FANCA: variants seen among roughly 807,000 people sequenced by gnomAD.
The protein encoded by FANCA is FA complementation group A, also known as Fanconi anemia group A protein.
FANCA carries 236 observed loss-of-function variants against 194.3 expected under a neutral mutation model. The observed-to-expected ratio is 1.21, with a 90% CI of 1.09 to 1.35. The LOEUF (loss-of-function observed/expected upper bound fraction) is 1.35, where lower values mean the gene tolerates loss of function less well. Among genes scored for constraint, FANCA ranks in the 40% most tolerant of loss-of-function variants. The pLI is 0.00. For synonymous variants in FANCA, 1,014 were observed against 715.8 expected, an observed-to-expected ratio of 1.42 and a Z score of -6.65; for missense variants, 2,628 against 1,813.9, an observed-to-expected ratio of 1.45 and a Z score of -8.15.
rs752600278 is a variant in FANCA, at chr16:89,791,502, C to G, written c.1260G>C (p.Glu420Asp). 5.0e-6 allele frequency: 8 copies of G among 1,614,054 alleles called. No individual in the cohort carries two copies. In the South Asian group the frequency reaches 7.7e-5, roughly 16 times the overall value. ...TGACCATGCTGTCCAGCTGGCAGCT[C>G]TCGAATGCCTGGGCCATCAAACGCG... ...WVARLMAQAF[E>D]SCQLDSMVTA... Residue 420 changes from glutamate (E) to aspartate (D), a missense_variant, in exon 14 of 43, where the codon GAG becomes GAC. Glu to Asp is a conservative substitution (Grantham distance 45, BLOSUM62 2). Transcript: ENST00000389301.
At position 89,739,577 on chromosome 16, in the gene FANCA, G is replaced by A. The variant is rs1249070808; in HGVS notation, c.3935-24C>T. The A allele has an allele frequency of 6.5e-6, 10 of 1,549,996 alleles. No homozygotes were observed. The Middle Eastern group carries it at 5.0e-4, about 77-fold the overall frequency. On this transcript the variant is annotated intron_variant, in intron 39 of 42. Transcript: ENST00000389301. ...GTCTGCAACACCAAGAAGTGGCTCA[G>A]GCAACTCTGGACATCTCTGCCTATT...
chr16:89,781,483 A>C (rs7206398), intron 17 of FANCA, among the ~76,000 whole-genome samples: 104,460 of 148,976 alleles, frequency 0.7, 37,635 homozygotes, highest in East Asian at 0.99. Flanking sequence ...ACCATCCTGG[A>C]TAACATGGTG....
At chr16:89,770,059 C>T (rs2039269508) in intron 25 of FANCA, 35 bp from the exon 26 acceptor site, 26 of 1,605,018 alleles carry the variant, frequency 1.6e-5, no homozygotes, top group Non-Finnish European at 2.0e-5. Flanking sequence ...AGCAGACTGC[C>T]CTCTTCCAAG....
intron 29 of FANCA, among the ~76,000 whole-genome samples, chr16:89,759,129 G>T (rs1425449719): frequency 6.6e-6 from 1 of 151,282 alleles, no homozygotes; most frequent in African/African-American, 2.4e-5. Flanking sequence ...GACCATCCTG[G>T]GTAACACGGT....
rs147945881 is a variant in FANCA, at chr16:89,805,393, C to G, written c.597-1G>C. 3.7e-6 allele frequency: 6 copies of G among 1,610,636 alleles called. No homozygotes were observed. Among genetic ancestry groups the G allele is most frequent in the Non-Finnish European group, 5.1e-6 (6 of 1,177,162 alleles). ...TCCCACAGCATGCATGTCGGGATGG[C>G]TGGAGACACACACAGAGGCAGACGT... On this transcript the variant is annotated splice_acceptor_variant, in intron 6 of 42. Coordinates refer to ENST00000389301, the MANE Select transcript of FANCA (RefSeq NM_000135.4). LOFTEE classifies it high-confidence loss of function.
chr16:89,742,923 C>A lies in FANCA; in HGVS notation c.3642G>T (p.Glu1214Asp). 1 of 1,614,054 alleles carries A rather than the reference C, an allele frequency of 6.2e-7. No individual in the cohort carries two copies. The highest frequency in any genetic ancestry group is 8.5e-7 in the Non-Finnish European group (1 of 1,179,978). The change falls in exon 37 of 43, where the codon GAG (glutamate) becomes GAT (aspartate). Residue 1214 changes from glutamate (E) to aspartate (D), a missense_variant. Transcript: ENST00000389301. ...RQFASDFLSPEAASPAPNPDW... is the reference protein window; with the variant it reads ...RQFASDFLSPDAASPAPNPDW... Reference sequence around the variant, plus strand: ...CCGGGTTGGGTGCTGGGGAGGCAGCCTCAGGGGAGAGGAAACTGGGACAGA... The same window carrying A: ...CCGGGTTGGGTGCTGGGGAGGCAGCATCAGGGGAGAGGAAACTGGGACAGA...
Position 89,805,412 on chromosome 16 carries a change from C to T in FANCA, c.597-20G>A. On this transcript the variant is annotated intron_variant, in intron 6 of 42. Coordinates refer to ENST00000389301, the MANE Select transcript of FANCA (RefSeq NM_000135.4). ...GGATGGCTGGAGACACACACAGAGG[C>T]AGACGTAAGGCTCAACTAAATCCCA... 1.3e-6 allele frequency: 2 copies of T among 1,583,258 alleles called. 1 individual carries two copies. The highest frequency in any genetic ancestry group is 3.3e-4 in the Middle Eastern group (2 of 5,996).
chr16:89,784,427 A>G (rs1231173197), intron 15 of FANCA, among the ~76,000 whole-genome samples: 2 of 151,258 alleles, frequency 1.3e-5, no homozygotes, highest in African/African-American at 4.8e-5. Flanking sequence ...AAATTAAAAA[A>G]AAAAAAAAAA....
chr16:89,795,985 A>C lies in FANCA; in HGVS notation c.927T>G (p.Ser309Arg), dbSNP rs780226614. Residue 309 changes from serine (S) to arginine (R), a missense_variant, in exon 11 of 43, where the codon AGT (serine) becomes AGG (arginine). Ser to Arg is a moderately radical substitution (Grantham distance 110). Coordinates refer to ENST00000389301, the MANE Select transcript of FANCA (RefSeq NM_000135.4). ...TCTTCAGAGGATCTGTGGAAATTAC[A>C]CTGCCAAGCGTGTGTCCACTGAACA... is the stretch of plus-strand genomic sequence containing the variant. ...FGVFSGHTLGSVISTDPLKRF... is the reference protein window; with the variant it reads ...FGVFSGHTLGRVISTDPLKRF... 1 of 1,614,188 alleles carries C rather than the reference A, an allele frequency of 6.2e-7. No individual in the cohort carries two copies. Among genetic ancestry groups the C allele is most frequent in the Admixed American group, 1.7e-5 (1 of 60,024 alleles).
chr16:89,783,919 G>A (rs1411600887), intron 15 of FANCA, among the ~76,000 whole-genome samples: 1 of 151,866 alleles, frequency 6.6e-6, no homozygotes, highest in East Asian at 2.0e-4. Flanking sequence ...GCGCTACCAC[G>A]CCCGGCTAAT....
intron 13 of FANCA, 35 bp from the exon 14 acceptor site, chr16:89,791,571 A>C: frequency 6.2e-7 from 1 of 1,612,914 alleles, no homozygotes. Context: ...ACAGCAAGGC[A>C]AGGGCAGCCA....
chr16:89,808,405 A>G (rs1181727450), intron 5 of FANCA, 38 bp from the exon 6 acceptor site: 6 of 1,602,248 alleles, frequency 3.7e-6, no homozygotes, highest in African/African-American at 2.7e-5. Context: ...ACAAAAACAA[A>G]AAAACCCCCA....
intron 11 of FANCA, among the ~76,000 whole-genome samples, chr16:89,795,324 A>AAATAAATAAAT (rs1487340345): frequency 6.7e-6 from 1 of 148,440 alleles, no homozygotes; most frequent in African/African-American, 2.5e-5. Flanking sequence ...ATAAATAAAT[A>AAATAAATAAAT]AAATAAAGAT....
At chr16:89,782,799 C>G in intron 17 of FANCA, 60 bp downstream of exon 17, 1 of 1,459,574 alleles carries the variant, frequency 6.9e-7, no homozygotes, top group South Asian at 1.1e-5. Context: ...TCAAAAGAAA[C>G]TGGACCTTTG....
At chr16:89,771,859 G>C (rs372828412) in intron 22 of FANCA, 45 bp from the exon 23 acceptor site, 152 of 1,611,456 alleles carry the variant, frequency 9.4e-5, no homozygotes, top group African/African-American at 2.5e-4. Context: ...ACCCCGAAAG[G>C]AGGGATACAG....
At chr16:89,811,308 G>C (rs193170298) in intron 3 of FANCA, among the ~76,000 whole-genome samples, 2 of 152,316 alleles carry the variant, frequency 1.3e-5, no homozygotes, top group East Asian at 3.9e-4. Flanking sequence ...ATTGGTATTT[G>C]TTACGTTTCC....
chr16:89,744,676 TG>T (rs1463045985), intron 36 of FANCA: 4 of 435,818 alleles, frequency 9.2e-6, no homozygotes, highest in Non-Finnish European at 1.3e-5. Context: ...TTTTTTTTTT[TG>T]TTTTTTTTCT....
chr16:89,762,536 G>T (rs572680776), intron 28 of FANCA: 3 of 224,192 alleles, frequency 1.3e-5, no homozygotes, highest in Non-Finnish European at 2.7e-5. Context: ...CAAGGCTGCA[G>T]TGAGTAACAG....
intron 30 of FANCA, among the ~76,000 whole-genome samples, chr16:89,758,121 T>C (rs2038824538): frequency 6.6e-6 from 1 of 152,194 alleles, no homozygotes; most frequent in Admixed American, 6.6e-5. Context: ...CCTCCCGAAG[T>C]GCTGGGATTA....
Sources: allele counts gnomAD v4.1 joint callset (sites outside exome capture counted in the v4.1 genomes callset), GRCh38; gene constraint gnomAD v4.1.1; transcripts MANE v1.5; gene names NCBI Gene and HGNC (gene_info 2026-07-23, HGNC 2026-07-21).